Variants in SPTLC3 observed in about 807,000 individuals in gnomAD.
SPTLC3 encodes serine palmitoyltransferase long chain base subunit 3.
A neutral mutation model predicts 59.3 loss-of-function variants in SPTLC3; 36 were observed. The ratio of observed to expected loss-of-function variants is 0.61; its 90% CI spans 0.47 to 0.80. SPTLC3 has a LOEUF of 0.80. Ranked by LOEUF, SPTLC3 falls within the 30% of genes least tolerant of loss-of-function variation. SPTLC3 has a pLI of 0.00. For missense variants in SPTLC3, 625 were observed against 685.1 expected, an observed-to-expected ratio of 0.91 and a Z score of 0.98; for synonymous variants, 257 against 240.8, an observed-to-expected ratio of 1.07 and a Z score of -0.62.
At chr20:13,078,990 A>T (rs1988746399) in intron 4 of SPTLC3, among the ~76,000 whole-genome samples, 1 of 152,196 alleles carries the variant, frequency 6.6e-6, no homozygotes, top group Non-Finnish European at 1.5e-5. Flanking sequence ...ACGGTAAGAG[A>T]TATATTAGGG....
chr20:13,039,863 A>T (rs1431444), intron 1 of SPTLC3, among the ~76,000 whole-genome samples: 1 of 151,970 alleles, frequency 6.6e-6, no homozygotes, highest in African/African-American at 2.4e-5. Context: ...AAATCCAGTG[A>T]TATATAGAAA....
chr20:13,116,963 G>T (rs1990593892), intron 7 of SPTLC3, among the ~76,000 whole-genome samples: 1 of 152,230 alleles, frequency 6.6e-6, no homozygotes, highest in African/African-American at 2.4e-5. Flanking sequence ...TTGACTTGAA[G>T]TGGGTATTGA....
chr20:13,074,440 A>G lies in SPTLC3; in HGVS notation c.550A>G (p.Ile184Val). 6.2e-7 allele frequency: 1 copy of G among 1,614,134 alleles called. No homozygotes were observed. Among genetic ancestry groups the G allele is most frequent in the East Asian group, 2.2e-5 (1 of 44,870 alleles). ...AAKYDESMRT[I>V]KDVLEVYGTG... The stretch of plus-strand genomic sequence containing the variant: ...CAAGTATGATGAGTCTATGAGGACA[A>G]TAAAGGATGTTTTAGAGGTGTATGG... Residue 184 changes from isoleucine to valine, a missense_variant, in exon 4 of 12, where the codon ATA becomes GTA. Physicochemically the swap from Ile to Val is conservative, Grantham distance 29. Transcript: ENST00000399002.
At chr20:13,087,674 T>C (rs1989047665) in intron 4 of SPTLC3, among the ~76,000 whole-genome samples, 1 of 152,220 alleles carries the variant, frequency 6.6e-6, no homozygotes, top group African/African-American at 2.4e-5. Flanking sequence ...CATCATAGAA[T>C]GTCTGACACT....
At chr20:13,034,109 G>C (rs968310197) in intron 1 of SPTLC3, among the ~76,000 whole-genome samples, 4 of 152,094 alleles carry the variant, frequency 2.6e-5, no homozygotes, top group Non-Finnish European at 5.9e-5. Flanking sequence ...ATTGTCTTCT[G>C]TACCAAATAA....
intron 9 of SPTLC3, among the ~76,000 whole-genome samples, chr20:13,129,052 T>G (rs2038060049): frequency 6.6e-6 from 1 of 151,984 alleles, no homozygotes; most frequent in Non-Finnish European, 1.5e-5. Context: ...ATTTTTGTAT[T>G]TTTAGTAGAG....
intron 2 of SPTLC3, among the ~76,000 whole-genome samples, chr20:13,066,498 T>C (rs1335554383): frequency 6.6e-6 from 1 of 152,218 alleles, no homozygotes; most frequent in African/African-American, 2.4e-5. Flanking sequence ...AGGTAGTGCA[T>C]TCTCAATTAT....
intron 4 of SPTLC3, among the ~76,000 whole-genome samples, chr20:13,078,467 T>TA (rs1010600121): frequency 5.3e-5 from 8 of 151,946 alleles, no homozygotes; most frequent in African/African-American, 1.4e-4. Context: ...CTGAATAGAA[T>TA]AAAAAATATC....
chr20:13,066,737 C>T (rs890888571), intron 2 of SPTLC3, among the ~76,000 whole-genome samples: 5 of 151,662 alleles, frequency 3.3e-5, no homozygotes, highest in Admixed American at 2.0e-4. Flanking sequence ...AAATTTCTCC[C>T]TTCTCTTCCT....
intron 1 of SPTLC3, among the ~76,000 whole-genome samples, chr20:13,011,528 T>C (rs150331867): frequency 6.6e-6 from 1 of 152,172 alleles, no homozygotes; most frequent in Non-Finnish European, 1.5e-5. Context: ...AAGGGTTCCC[T>C]GGCATAACAA....
chr20:13,087,665 A>G (rs73898426), intron 4 of SPTLC3, among the ~76,000 whole-genome samples: 2,757 of 152,230 alleles, frequency 0.018, 92 homozygotes, highest in African/African-American at 0.064. Flanking sequence ...CTATGACACC[A>G]TCATAGAATG....
intron 9 of SPTLC3, among the ~76,000 whole-genome samples, chr20:13,145,170 G>A (rs2122906121): frequency 6.6e-6 from 1 of 152,176 alleles, no homozygotes; most frequent in East Asian, 1.9e-4. Context: ...GAAATAAAGG[G>A]CACCCAAATA....
chr20:13,037,223 T>C (rs1986776436), intron 1 of SPTLC3, among the ~76,000 whole-genome samples: 1 of 152,156 alleles, frequency 6.6e-6, no homozygotes. Context: ...TCACTTCCCA[T>C]TGGCCAAGAC....
At chr20:13,142,006 A>G (rs2038394639) in intron 9 of SPTLC3, among the ~76,000 whole-genome samples, 1 of 152,240 alleles carries the variant, frequency 6.6e-6, no homozygotes, top group African/African-American at 2.4e-5. Context: ...ATTAGCCAAC[A>G]AACTGAACTC....
intron 9 of SPTLC3, among the ~76,000 whole-genome samples, chr20:13,128,101 A>G (rs80304211): frequency 0.029 from 4,486 of 152,350 alleles, 211 homozygotes; most frequent in African/African-American, 0.1. Context: ...TTTTGTGAGA[A>G]GTAGGCAAAT....
In SPTLC3 at chr20:13,049,000, C is replaced by T. The variant is rs1372863897; in HGVS notation, c.173C>T (p.Ala58Val). ...DKLIVESFEE[A>V]PLHVMVFTYM... is the part of the protein sequence containing the mutation. ...CTCATTGTTGAATCGTTTGAGGAAG[C>T]ACCCCTTCATGTTATGGTTTTCACT... The change falls in exon 2 of 12, where the codon GCA becomes GTA. Residue 58 changes from alanine (A) to valine (V), a missense_variant. Ala to Val is a moderately conservative substitution (Grantham distance 64, BLOSUM62 0). Transcript: ENST00000399002. 1 of 1,602,560 alleles carries T rather than the reference C, an allele frequency of 6.2e-7. No homozygotes were observed. Among genetic ancestry groups the T allele is most frequent in the Non-Finnish European group, 8.5e-7 (1 of 1,176,700 alleles).
chr20:13,085,262 A>G (rs550130343), intron 4 of SPTLC3, among the ~76,000 whole-genome samples: 1 of 152,282 alleles, frequency 6.6e-6, no homozygotes, highest in South Asian at 2.1e-4. Context: ...AAACTCACTC[A>G]AAAAGCAATA....
intron 1 of SPTLC3, among the ~76,000 whole-genome samples, chr20:13,045,714 C>CT (rs2122488747): frequency 6.6e-6 from 1 of 152,108 alleles, no homozygotes; most frequent in Non-Finnish European, 1.5e-5. Flanking sequence ...AAATTTTCTC[C>CT]TTTGTGTTAT....
intron 7 of SPTLC3, among the ~76,000 whole-genome samples, chr20:13,116,541 C>T (rs1287050971): frequency 1.3e-5 from 2 of 151,922 alleles, no homozygotes; most frequent in East Asian, 1.9e-4. Flanking sequence ...ATTTTTTTCC[C>T]TTTGTGCCGG....
Sources: gnomAD v4.1 joint callset for allele counts (sites outside exome capture counted in the v4.1 genomes callset) on GRCh38, gnomAD v4.1.1 for gene constraint, MANE v1.5 for transcripts, NCBI Gene and HGNC (gene_info 2026-07-23, HGNC 2026-07-21) for gene names.